ARID2: variants seen among roughly 807,000 people sequenced by gnomAD.
The protein encoded by ARID2 is AT-rich interactive domain-containing protein 2.
ARID2 carries 32 observed loss-of-function variants against 184.6 expected under a neutral mutation model. That is an observed-to-expected ratio of 0.17 (90% CI 0.13 to 0.23). The LOEUF is 0.23. ARID2 is among the 10% of genes least tolerant of loss of function. The probability of loss-of-function intolerance (pLI) is 1.00; values close to 1 mark genes in which losing one functional copy is unlikely to be tolerated. For synonymous variants in ARID2, 836 were observed against 772.6 expected, an observed-to-expected ratio of 1.08 and a Z score of -1.36; for missense variants, 1,696 against 2,197.6, an observed-to-expected ratio of 0.77 and a Z score of 4.56.
intron 20 of ARID2, among the ~76,000 whole-genome samples, chr12:45,899,680 G>GTTATATATATATATGT (rs1944425951): frequency 2.2e-5 from 1 of 44,664 alleles, no homozygotes; most frequent in African/African-American, 7.6e-5. Flanking sequence ...GTTATATATG[G>GTTATATATATATATGT]TTATATATAT....
At chr12:45,815,145 C>T (rs928677684) in intron 4 of ARID2, among the ~76,000 whole-genome samples, 2 of 152,000 alleles carry the variant, frequency 1.3e-5, no homozygotes, top group Admixed American at 6.6e-5. Context: ...ATAAGGAATA[C>T]GGGTTCCACA....
intron 20 of ARID2, among the ~76,000 whole-genome samples, chr12:45,902,240 A>G (rs536434050): frequency 1.3e-5 from 2 of 152,340 alleles, no homozygotes; most frequent in South Asian, 4.1e-4. Flanking sequence ...GTTTTGTTTT[A>G]TATCAAAACA....
Position 45,850,364 on chromosome 12 carries a change from T to C in ARID2, c.2241T>C (p.His747=), listed in dbSNP as rs145816500. The C allele has an allele frequency of 6.2e-7, 1 of 1,614,116 alleles. No individual in the cohort carries two copies. The highest frequency in any genetic ancestry group is 1.1e-5 in the South Asian group (1 of 91,080). ...CACAGAGTTCTGTTGTTCAGAATCA[T>C]AGTACAGGGCCACAACCTGTTACAG... is the stretch of plus-strand genomic sequence containing the variant. ...GPPQSSVVQN[H]STGPQPVTVV... Residue 747 remains histidine (H), a synonymous_variant, in exon 15 of 21, where the codon CAT becomes CAC. Coordinates refer to ENST00000334344, the MANE Select transcript of ARID2 (RefSeq NM_152641.4).
intron 13 of ARID2, 53 bp downstream of exon 13, chr12:45,849,023 C>G: frequency 1.3e-6 from 2 of 1,551,690 alleles, no homozygotes; most frequent in Non-Finnish European, 1.7e-6. Context: ...TACAACATCT[C>G]TTGCTCTTTA....
At chr12:45,740,790 T>C (rs986843285) in intron 3 of ARID2, among the ~76,000 whole-genome samples, 1 of 152,206 alleles carries the variant, frequency 6.6e-6, no homozygotes, top group African/African-American at 2.4e-5. Context: ...TTTTTGTGTC[T>C]TTTGTGATGT....
chr12:45,742,071 T>C (rs962959272), intron 3 of ARID2, among the ~76,000 whole-genome samples: 6 of 152,322 alleles, frequency 3.9e-5, no homozygotes, highest in South Asian at 2.1e-4. Context: ...GCAGTACATA[T>C]AGAATACTTC....
chr12:45,891,541 ATTTG>A (rs1944301838), intron 16 of ARID2, among the ~76,000 whole-genome samples: 1 of 152,214 alleles, frequency 6.6e-6, no homozygotes. Flanking sequence ...AGAGTATGGT[ATTTG>A]TTTATAAGAT....
chr12:45,738,779 C>CTTTTTTTTTTTTT lies in ARID2; in HGVS notation c.284+7487_284+7499dup, dbSNP rs11333868. 9.6e-5 allele frequency among the ~76,000 whole-genome samples: 6 copies of CTTTTTTTTTTTTT among 62,296 alleles called. 1 individual carries two copies. Among genetic ancestry groups the CTTTTTTTTTTTTT allele is most frequent in the Non-Finnish European group, 1.0e-4 (4 of 38,608 alleles). The allele number at this position is 62,296 out of a possible 152,430, so 40.9% of individuals were successfully genotyped here. ...TTTTCTTCCTGGGGCATATGGGCTA[C>CTTTTTTTTTTTTT]TTTTTTTTTTTTTTTTTTTTTTTTT... On this transcript the variant is annotated intron_variant, in intron 3 of 20. Coordinates refer to ENST00000334344, the MANE Select transcript of ARID2 (RefSeq NM_152641.4).
intron 5 of ARID2, 134 bp from the exon 6 acceptor site, chr12:45,821,286 C>A (rs542496084): frequency 4.4e-6 from 2 of 459,486 alleles, no homozygotes; most frequent in Non-Finnish European, 7.6e-6. Flanking sequence ...CTATCATTTA[C>A]TATAAAATAA....
At chr12:45,896,534 CTCT>C (rs1311956690) in intron 20 of ARID2, among the ~76,000 whole-genome samples, 1 of 152,170 alleles carries the variant, frequency 6.6e-6, no homozygotes, top group African/African-American at 2.4e-5. Flanking sequence ...TGCAAAAGCT[CTCT>C]TGTTTGCCAC....
rs778721115 is a variant in ARID2, at chr12:45,860,877, G to A, written c.4850G>A (p.Gly1617Glu). ...PNSSQPSPFS[G>E]SSQPGDPMRK... ...AGTTCTCAGCCTTCTCCATTCAGTG[G>A]ATCCAGTCAGCCTGGAGATCCAATG... is the stretch of plus-strand genomic sequence containing the variant. Residue 1617 changes from glycine to glutamate, a missense_variant, in exon 16 of 21, where the codon GGA becomes GAA. Transcript: ENST00000334344. 1.2e-6 allele frequency: 2 copies of A among 1,605,644 alleles called. No homozygotes were observed. Among genetic ancestry groups the A allele is most frequent in the African/African-American group, 2.7e-5 (2 of 74,676 alleles).
At chr12:45,761,912 C>T (rs1318448076) in intron 3 of ARID2, among the ~76,000 whole-genome samples, 1 of 152,042 alleles carries the variant, frequency 6.6e-6, no homozygotes, top group Non-Finnish European at 1.5e-5. Context: ...TTGTCGCTTT[C>T]TGAGACCCTT....
chr12:45,897,979 G>A (rs1944391693), intron 20 of ARID2, among the ~76,000 whole-genome samples: 1 of 151,810 alleles, frequency 6.6e-6, no homozygotes, highest in Non-Finnish European at 1.5e-5. Flanking sequence ...TGTGTTTTTA[G>A]TAGAGACGAG....
At chr12:45,743,517 T>C (rs1565579422) in intron 3 of ARID2, among the ~76,000 whole-genome samples, 1 of 152,232 alleles carries the variant, frequency 6.6e-6, no homozygotes, top group South Asian at 2.1e-4. Flanking sequence ...ACTACAGACA[T>C]GCACCACTGT....
In ARID2 at chr12:45,906,095, G is replaced by A. The variant is rs774333430; in HGVS notation, c.*1017G>A. The A allele has an allele frequency of 2.8e-4, 66 of 232,016 alleles. No homozygotes were observed. Among genetic ancestry groups the A allele is most frequent in the Non-Finnish European group, 4.3e-4 (51 of 117,390 alleles). 14.4% of individuals were successfully genotyped at this position (232,016 alleles called of 1,614,324 possible). On this transcript the variant is annotated 3_prime_UTR_variant, in exon 21 of 21. Coordinates refer to ENST00000334344, the MANE Select transcript of ARID2 (RefSeq NM_152641.4). Reference sequence around the variant, plus strand: ...TCCTTAACATGTATCCACTGTAAACGTTTGTCGTGTACAAGCTCAGAGCTT... The same window carrying A: ...TCCTTAACATGTATCCACTGTAAACATTTGTCGTGTACAAGCTCAGAGCTT...
chr12:45,746,125 A>G (rs1360516500), intron 3 of ARID2, among the ~76,000 whole-genome samples: 2 of 147,548 alleles, frequency 1.4e-5, no homozygotes, highest in South Asian at 2.3e-4. Context: ...TCCTTTGGAG[A>G]CAGGATCTTG....
At chr12:45,813,956 A>G (rs1942759004) in intron 4 of ARID2, among the ~76,000 whole-genome samples, 1 of 151,944 alleles carries the variant, frequency 6.6e-6, no homozygotes, top group Non-Finnish European at 1.5e-5. Flanking sequence ...CTTGGTATTG[A>G]TTGGATATAA....
intron 3 of ARID2, among the ~76,000 whole-genome samples, chr12:45,773,034 T>A (rs1018107980): frequency 1.3e-5 from 2 of 152,062 alleles, no homozygotes; most frequent in African/African-American, 4.8e-5. Context: ...TTATTACATT[T>A]AAAAAGAAAT....
At chr12:45,836,550 G>T (rs764704168) in intron 6 of ARID2, 39 bp from the exon 7 acceptor site, 2 of 1,564,278 alleles carry the variant, frequency 1.3e-6, no homozygotes, top group South Asian at 1.2e-5. Context: ...TAGAATAGTT[G>T]TTTCAAATCA....
Sources: gnomAD v4.1 joint callset for allele counts (sites outside exome capture counted in the v4.1 genomes callset) on GRCh38, gnomAD v4.1.1 for gene constraint, MANE v1.5 for transcripts, NCBI Gene and HGNC (gene_info 2026-07-23, HGNC 2026-07-21) for gene names.